The following UGT1A9 variants were observed in gnomAD, a reference collection of about 807,000 sequenced individuals.
The protein encoded by UGT1A9 is UDP glucuronosyltransferase family 1 member A9.
A neutral mutation model predicts 45.0 loss-of-function variants in UGT1A9; 35 were observed. That is an observed-to-expected ratio of 0.78 (90% CI 0.59 to 1.03). The LOEUF (loss-of-function observed/expected upper bound fraction) is 1.03. Ranked by LOEUF, UGT1A9 falls within the 50% of genes least tolerant of loss-of-function variation. The pLI is 0.00. For missense variants in UGT1A9, 687 were observed against 666.6 expected (o/e 1.03, Z -0.34); for synonymous variants, 278 against 250.6 (o/e 1.11, Z -1.03).
intron 1 of UGT1A9, among the ~76,000 whole-genome samples, chr2:233,681,530 C>CAAAAAAAA (rs747693860): frequency 2.6e-5 from 2 of 77,710 alleles, no homozygotes; most frequent in Non-Finnish European, 5.1e-5. Context: ...GACTCCATCT[C>CAAAAAAAA]AAAAAAAAAA....
chr2:233,701,408 C>A (rs2075626075), intron 1 of UGT1A9, among the ~76,000 whole-genome samples: 1 of 152,062 alleles, frequency 6.6e-6, no homozygotes, highest in Non-Finnish European at 1.5e-5. Flanking sequence ...GACTTTAACA[C>A]CCCACTGTCA....
At chr2:233,693,978 G>C (rs1189326021) in intron 1 of UGT1A9, 3 of 1,557,938 alleles carry the variant, frequency 1.9e-6, no homozygotes, top group Admixed American at 1.9e-5. Flanking sequence ...GAGAAACGGT[G>C]GGGGGAAGTG....
At chr2:233,714,005 A>C in intron 1 of UGT1A9, 1 of 1,542,996 alleles carries the variant, frequency 6.5e-7, no homozygotes, top group Non-Finnish European at 8.7e-7. Context: ...CAGTGAGATA[A>C]ACTTTTAAAG....
At position 233,711,373 on chromosome 2, in the gene UGT1A9, G is replaced by A. The variant is rs28898592; in HGVS notation, c.855+38584G>A. On this transcript the variant is annotated intron_variant, in intron 1 of 4. Transcript: ENST00000354728. ...GGGGAGCCCCCTGAATGTGGTGAGA[G>A]CACCCTCCCAGGTGTGTTCCACCCT... is the stretch of plus-strand genomic sequence containing the variant. Among the ~76,000 whole-genome samples the A allele has an allele frequency of 3.7e-3, 562 of 152,368 alleles. 5 individuals are homozygous for A. Among genetic ancestry groups the A allele is most frequent in the African/African-American group, 0.013 (535 of 41,588 alleles).
Position 233,772,564 on chromosome 2 carries a change from TG to T in UGT1A9, c.*8del, listed in dbSNP as rs1250920366. 1 of 1,613,176 alleles carries T rather than the reference TG, an allele frequency of 6.2e-7. No individual in the cohort carries two copies. The highest frequency in any genetic ancestry group is 1.7e-5 in the Admixed American group (1 of 59,848). On this transcript the variant is annotated 3_prime_UTR_variant, in exon 5 of 5. Transcript: ENST00000354728. ...CACAAATCCAAGACCCATTGAGAAGTGGGTGGGAAATAAGGTAAAATTTTGA... is the reference window on the plus strand; with the variant it reads ...CACAAATCCAAGACCCATTGAGAAGTGGTGGGAAATAAGGTAAAATTTTGA...
At chr2:233,719,697 G>C (rs768448140) in intron 1 of UGT1A9, 2 of 1,613,928 alleles carry the variant, frequency 1.2e-6, no homozygotes, top group East Asian at 4.5e-5. Flanking sequence ...GGTCTGTATT[G>C]GTGCCTTCAT....
intron 1 of UGT1A9, among the ~76,000 whole-genome samples, chr2:233,707,963 C>T (rs982486445): frequency 6.6e-6 from 1 of 152,190 alleles, no homozygotes; most frequent in South Asian, 2.1e-4. Flanking sequence ...TTTGCCCATT[C>T]AAGTCTATTG....
intron 1 of UGT1A9, among the ~76,000 whole-genome samples, chr2:233,737,236 T>A (rs2078854689): frequency 6.6e-6 from 1 of 152,226 alleles, no homozygotes; most frequent in Non-Finnish European, 1.5e-5. Flanking sequence ...CTGGATGCTT[T>A]GTTTACCTAC....
intron 1 of UGT1A9, among the ~76,000 whole-genome samples, chr2:233,697,907 C>G (rs570529725): frequency 6.6e-6 from 1 of 152,212 alleles, no homozygotes; most frequent in South Asian, 2.1e-4. Flanking sequence ...TCTATTGACT[C>G]CTTCTCCTAG....
intron 1 of UGT1A9, among the ~76,000 whole-genome samples, chr2:233,763,987 G>C (rs144684818): frequency 6.6e-6 from 1 of 152,188 alleles, no homozygotes; most frequent in Non-Finnish European, 1.5e-5. Flanking sequence ...CTGGGAATGC[G>C]TGATGGTGAA....
intron 1 of UGT1A9, among the ~76,000 whole-genome samples, chr2:233,680,386 T>C (rs1264261773): frequency 6.6e-6 from 1 of 152,186 alleles, no homozygotes; most frequent in African/African-American, 2.4e-5. Context: ...CTCCCTGCAA[T>C]AGCAACAGGA....
intron 1 of UGT1A9, among the ~76,000 whole-genome samples, chr2:233,744,831 G>T (rs1406769887): frequency 6.6e-6 from 1 of 151,816 alleles, no homozygotes; most frequent in Non-Finnish European, 1.5e-5. Flanking sequence ...TTTGAGAATC[G>T]CTAGTCTAGC....
Position 233,672,838 on chromosome 2 carries a change from T to C in UGT1A9, c.855+49T>C. Reference sequence around the variant, plus strand: ...CTTAAGAATACTTCACCTTTGGAAATTAAAAAAGGATTCTTTACTGAACTG... The same window carrying C: ...CTTAAGAATACTTCACCTTTGGAAACTAAAAAAGGATTCTTTACTGAACTG... On this transcript the variant is annotated intron_variant, in intron 1 of 4. Transcript: ENST00000354728. 3 of 1,554,242 alleles carry C rather than the reference T, an allele frequency of 1.9e-6. No homozygotes were observed. The South Asian group carries it at 3.7e-5, about 19-fold the overall frequency.
intron 1 of UGT1A9, among the ~76,000 whole-genome samples, chr2:233,676,928 G>T (rs2074375939): frequency 1.3e-5 from 2 of 152,046 alleles, no homozygotes; most frequent in South Asian, 4.2e-4. Context: ...CTGTTCTGTT[G>T]ATCTATTTGT....
chr2:233,757,451 G>GTC (rs1696532284), intron 1 of UGT1A9, among the ~76,000 whole-genome samples: 1 of 150,202 alleles, frequency 6.7e-6, no homozygotes, highest in South Asian at 2.1e-4. Context: ...ACAGAAACAT[G>GTC]TCCAGAGCGC....
At chr2:233,739,631 G>A (rs767111221) in intron 1 of UGT1A9, among the ~76,000 whole-genome samples, 3 of 152,206 alleles carry the variant, frequency 2.0e-5, no homozygotes, top group Admixed American at 6.5e-5. Context: ...ATTTGAAATG[G>A]GAACATTTAC....
chr2:233,755,029 T>TGCC (rs1403336975), intron 1 of UGT1A9: 1 of 1,312,020 alleles, frequency 7.6e-7, no homozygotes, highest in Admixed American at 1.9e-5. Flanking sequence ...TTGAAGGGCC[T>TGCC]GCCGCCTGCG....
chr2:233,703,467 T>C (rs1299395084), intron 1 of UGT1A9, among the ~76,000 whole-genome samples: 1 of 152,154 alleles, frequency 6.6e-6, no homozygotes, highest in African/African-American at 2.4e-5. Context: ...CTATTCTTTA[T>C]TATTTTCTGC....
At chr2:233,690,666 G>A (rs564691258) in intron 1 of UGT1A9, 1 of 1,272,210 alleles carries the variant, frequency 7.9e-7, no homozygotes, top group South Asian at 1.3e-5. Context: ...ACCAACCAGG[G>A]CAGGCCTGGG....
Sources: gnomAD v4.1 joint callset for allele counts (sites outside exome capture counted in the v4.1 genomes callset) on GRCh38, gnomAD v4.1.1 for gene constraint, MANE v1.5 for transcripts, NCBI Gene and HGNC (gene_info 2026-07-23, HGNC 2026-07-21) for gene names.